Variants in CHCHD6 observed in about 807,000 individuals in gnomAD.
CHCHD6 encodes MICOS complex subunit MIC25.
Under a neutral mutation model 32.3 loss-of-function variants are expected in CHCHD6, and 28 were observed. That is an observed-to-expected ratio of 0.87 (90% confidence interval 0.64 to 1.19). The LOEUF (loss-of-function observed/expected upper bound fraction) is 1.19, where lower values mean the gene tolerates loss of function less well. Ranked by LOEUF, CHCHD6 falls within the 50% of genes most tolerant of loss-of-function variation. The pLI is 0.00. For synonymous variants in CHCHD6, 122 were observed against 117.5 expected, an observed-to-expected ratio of 1.04 and a Z score of -0.25; for missense variants, 333 against 307.0, an observed-to-expected ratio of 1.08 and a Z score of -0.63.
At chr3:126,900,169 CT>C (rs1349079815) in intron 5 of CHCHD6, among the ~76,000 whole-genome samples, 1 of 152,092 alleles carries the variant, frequency 6.6e-6, no homozygotes, top group Non-Finnish European at 1.5e-5. Context: ...GGGAGTTTTC[CT>C]TGACATTAAG....
rs1405715272 is a variant in CHCHD6, at chr3:126,950,820, TTCAGAAGCTTG to T, written c.567-6592_567-6582del. Among the ~76,000 whole-genome samples, 3 of 152,254 alleles carry T rather than the reference TTCAGAAGCTTG, an allele frequency of 2.0e-5. No individual in the cohort carries two copies. In the East Asian group the frequency reaches 5.8e-4, roughly 29 times the overall value. Reference sequence around the variant, plus strand: ...TGGCTATGATGTGAAGGAGAGGGTGTTCAGAAGCTTGTCATGGGTGGATGGGGCAGCTGCAT... The same window carrying T: ...TGGCTATGATGTGAAGGAGAGGGTGTTCATGGGTGGATGGGGCAGCTGCAT... On this transcript the variant is annotated intron_variant, in intron 6 of 7. Coordinates refer to ENST00000290913, the MANE Select transcript of CHCHD6 (RefSeq NM_032343.3).
chr3:126,747,108 A>T (rs1404663494), intron 4 of CHCHD6, among the ~76,000 whole-genome samples: 1 of 152,136 alleles, frequency 6.6e-6, no homozygotes, highest in Non-Finnish European at 1.5e-5. Context: ...CTCTTCCGAG[A>T]CAGCCTAAGC....
intron 6 of CHCHD6, among the ~76,000 whole-genome samples, chr3:126,938,071 C>G (rs2078507816): frequency 6.6e-6 from 1 of 152,200 alleles, no homozygotes; most frequent in Admixed American, 6.5e-5. Flanking sequence ...CCCAGGAATC[C>G]TGAGAAACAG....
At chr3:126,913,565 C>G (rs1370154691) in intron 5 of CHCHD6, among the ~76,000 whole-genome samples, 2 of 152,122 alleles carry the variant, frequency 1.3e-5, no homozygotes, top group African/African-American at 4.8e-5. Flanking sequence ...TAAGCCAACT[C>G]CAGGTGACAT....
At chr3:126,898,713 A>G (rs775587132) in intron 5 of CHCHD6, among the ~76,000 whole-genome samples, 8 of 151,954 alleles carry the variant, frequency 5.3e-5, no homozygotes, top group Admixed American at 3.3e-4. Flanking sequence ...TAATTTTTGT[A>G]TTTTTAGTAG....
chr3:126,812,421 C>T (rs768872226), intron 4 of CHCHD6, among the ~76,000 whole-genome samples: 3 of 150,742 alleles, frequency 2.0e-5, no homozygotes, highest in Non-Finnish European at 4.4e-5. Flanking sequence ...TGGTTTATGC[C>T]TTTTGAGTTG....
intron 4 of CHCHD6, among the ~76,000 whole-genome samples, chr3:126,777,006 A>G (rs188750645): frequency 4.6e-5 from 7 of 152,160 alleles, no homozygotes; most frequent in Admixed American, 3.9e-4. Flanking sequence ...CTGCCGCTCT[A>G]TGCCTTTGAG....
At chr3:126,750,652 A>G (rs1936686732) in intron 4 of CHCHD6, among the ~76,000 whole-genome samples, 1 of 152,218 alleles carries the variant, frequency 6.6e-6, no homozygotes, top group Non-Finnish European at 1.5e-5. Flanking sequence ...GGATACCCCT[A>G]GCATGTGAGG....
chr3:126,937,071 C>T (rs1164298240), intron 6 of CHCHD6, among the ~76,000 whole-genome samples: 1 of 152,200 alleles, frequency 6.6e-6, no homozygotes, highest in African/African-American at 2.4e-5. Flanking sequence ...AGCTGGGCAA[C>T]CAGTGTTGTT....
chr3:126,888,782 G>A (rs111389612), intron 5 of CHCHD6, among the ~76,000 whole-genome samples: 8,286 of 152,240 alleles, frequency 0.054, 351 homozygotes, highest in Admixed American at 0.12. Context: ...TCGTTTTCCC[G>A]TGGCCACATT....
chr3:126,839,412 T>G (rs73203615), intron 4 of CHCHD6, among the ~76,000 whole-genome samples: 5,677 of 152,340 alleles, frequency 0.037, 138 homozygotes, highest in Middle Eastern at 0.075. Flanking sequence ...AAATTTATAT[T>G]ACCATATATC....
chr3:126,713,164 AT>A (rs1048795249), intron 1 of CHCHD6, among the ~76,000 whole-genome samples: 3 of 151,948 alleles, frequency 2.0e-5, no homozygotes, highest in Non-Finnish European at 2.9e-5. Flanking sequence ...CTACCAGGCT[AT>A]TTTTTTTAAA....
chr3:126,904,677 C>T (rs551971188), intron 5 of CHCHD6, among the ~76,000 whole-genome samples: 28 of 152,320 alleles, frequency 1.8e-4, no homozygotes, highest in African/African-American at 6.3e-4. Context: ...GAACACTCAG[C>T]TGTAAGCCTT....
intron 4 of CHCHD6, among the ~76,000 whole-genome samples, chr3:126,821,151 C>G (rs1237727341): frequency 6.6e-6 from 1 of 152,176 alleles, no homozygotes; most frequent in East Asian, 1.9e-4. Flanking sequence ...TAGCATGTAT[C>G]AGTGCTTTAT....
chr3:126,772,440 A>G (rs1937560935), intron 4 of CHCHD6, among the ~76,000 whole-genome samples: 1 of 152,150 alleles, frequency 6.6e-6, no homozygotes, highest in East Asian at 1.9e-4. Flanking sequence ...GGGTATATAT[A>G]CATTTAGGAT....
chr3:126,776,146 C>G (rs942090466), intron 4 of CHCHD6, among the ~76,000 whole-genome samples: 1 of 152,144 alleles, frequency 6.6e-6, no homozygotes, highest in African/African-American at 2.4e-5. Flanking sequence ...CTTGGGTCTT[C>G]TTTAATAATT....
At chr3:126,882,347 T>A (rs1469764586) in intron 5 of CHCHD6, among the ~76,000 whole-genome samples, 1 of 152,180 alleles carries the variant, frequency 6.6e-6, no homozygotes, top group Admixed American at 6.5e-5. Flanking sequence ...TGTGTCAGGA[T>A]GGAAGAGGAA....
intron 1 of CHCHD6, among the ~76,000 whole-genome samples, chr3:126,723,985 G>A (rs1168355215): frequency 6.6e-6 from 1 of 152,202 alleles, no homozygotes; most frequent in Non-Finnish European, 1.5e-5. Context: ...TTTCATCTCA[G>A]TAAACTGTTT....
chr3:126,773,003 A>C (rs931076444), intron 4 of CHCHD6, among the ~76,000 whole-genome samples: 1 of 151,968 alleles, frequency 6.6e-6, no homozygotes, highest in Non-Finnish European at 1.5e-5. Context: ...GTTTGGCTGG[A>C]TATGAAATTC....
Sources: gnomAD v4.1 joint callset for allele counts (sites outside exome capture counted in the v4.1 genomes callset) on GRCh38, gnomAD v4.1.1 for gene constraint, MANE v1.5 for transcripts, NCBI Gene and HGNC (gene_info 2026-07-23, HGNC 2026-07-21) for gene names.